Variants in WBP2NL observed in about 807,000 individuals in gnomAD.
The protein encoded by WBP2NL is WBP2 N-terminal like.
WBP2NL carries 27 observed loss-of-function variants against 23.3 expected under a neutral mutation model. That is an observed-to-expected ratio of 1.16 (90% CI 0.85 to 1.60). The LOEUF is 1.60. WBP2NL is among the 40% of genes most tolerant of loss of function. The pLI, the probability that WBP2NL is intolerant of heterozygous loss-of-function variation, is 0.00. For missense variants in WBP2NL, 370 were observed against 389.5 expected (o/e 0.95, Z 0.42); for synonymous variants, 151 against 145.9 (o/e 1.03, Z -0.25).
At position 42,049,439 on chromosome 22, in the gene WBP2NL, C is replaced by T. The variant is rs189715970; in HGVS notation, c.*274-8851C>T. 1.3e-4 allele frequency among the ~76,000 whole-genome samples: 20 copies of T among 152,142 alleles called. No homozygotes were observed. In the East Asian group the frequency reaches 3.9e-3, roughly 29 times the overall value. On this transcript the variant is annotated intron_variant and NMD_transcript_variant, in intron 8 of 8. Coordinates refer to the WBP2NL transcript ENST00000436265. ...GGCACGGTGGCTCATTCCTGTAATC[C>T]TAGCACTTTGGGAGGCCAAGGTGGG...
intron 8 of WBP2NL, among the ~76,000 whole-genome samples, chr22:42,049,997 AAAAG>A (rs1925776538): frequency 6.7e-6 from 1 of 150,032 alleles, no homozygotes; most frequent in Non-Finnish European, 1.5e-5. Context: ...AAAAAAAAAA[AAAAG>A]TGGCACATTT....
chr22:42,053,939 T>C (rs1463957077), intron 8 of WBP2NL, among the ~76,000 whole-genome samples: 1 of 152,076 alleles, frequency 6.6e-6, no homozygotes, highest in Non-Finnish European at 1.5e-5. Context: ...ATCCTGCGAG[T>C]TGTCTTTTAA....
chr22:42,010,648 C>G lies in WBP2NL; in HGVS notation c.63-8663C>G, dbSNP rs551317103. 2.4e-4 allele frequency among the ~76,000 whole-genome samples: 36 copies of G among 152,290 alleles called. No individual in the cohort carries two copies. In the South Asian group the frequency reaches 7.3e-3, roughly 31 times the overall value. On this transcript the variant is annotated intron_variant, in intron 1 of 5. Coordinates refer to ENST00000328823, the MANE Select transcript of WBP2NL (RefSeq NM_152613.3). ...CTGCCTCCAAGGTTCACGCCATTCT[C>G]CTGCCTCAGCCTCCTGAGTAGCTGG... is the stretch of plus-strand genomic sequence containing the variant.
chr22:42,034,819 A>C (rs1485656754), downstream of WBP2NL, among the ~76,000 whole-genome samples: 1 of 152,232 alleles, frequency 6.6e-6, no homozygotes, highest in Non-Finnish European at 1.5e-5. Context: ...TGCTTTTGAA[A>C]GAAGAGAAAT....
At chr22:42,015,916 TTGTC>T (rs1016518918) in intron 1 of WBP2NL, among the ~76,000 whole-genome samples, 3 of 152,278 alleles carry the variant, frequency 2.0e-5, no homozygotes, top group Admixed American at 2.0e-4. Context: ...GCTTTTCAAT[TTGTC>T]TGTTTTTTTG....
At chr22:42,037,592 T>C (rs1925233404), downstream of WBP2NL, among the ~76,000 whole-genome samples, 1 of 152,212 alleles carries the variant, frequency 6.6e-6, no homozygotes, top group African/African-American at 2.4e-5. Context: ...TGAGATGTCT[T>C]TCCACTTATT....
rs1053972449 is a variant in WBP2NL, at chr22:42,026,500, A to G, written c.515-266A>G. Among the ~76,000 whole-genome samples the G allele has an allele frequency of 2.6e-5, 4 of 151,926 alleles. No homozygotes were observed. In the South Asian group the frequency reaches 8.3e-4, roughly 31 times the overall value. On this transcript the variant is annotated intron_variant, in intron 5 of 5. Coordinates refer to ENST00000328823, the MANE Select transcript of WBP2NL (RefSeq NM_152613.3). ...TTACTTTTTTTCATAATCAAACTTTATTAAGTAAAACACATATCTGTGCAA... is the reference window on the plus strand; with the variant it reads ...TTACTTTTTTTCATAATCAAACTTTGTTAAGTAAAACACATATCTGTGCAA...
downstream of WBP2NL, chr22:42,031,916 G>T: frequency 6.6e-6 from 1 of 152,146 alleles, no homozygotes; most frequent in Non-Finnish European, 1.5e-5. Flanking sequence ...GGCTGGTTTC[G>T]AACTCCTGAC....
rs1450676284 is a variant in WBP2NL, at chr22:42,027,386, G to A, written c.*205G>A. Reference sequence around the variant, plus strand: ...AAGCAGAATCAACTCTTAAATAGCTGGCTAAAGGAAGAATACCATTGTGGG... The same window carrying A: ...AAGCAGAATCAACTCTTAAATAGCTAGCTAAAGGAAGAATACCATTGTGGG... On this transcript the variant is annotated 3_prime_UTR_variant, in exon 6 of 6. Transcript: ENST00000328823. 3.3e-6 allele frequency: 2 copies of A among 603,610 alleles called. No homozygotes were observed. The highest frequency in any genetic ancestry group is 5.3e-6 in the Non-Finnish European group (2 of 379,282). 37.4% of individuals were successfully genotyped at this position (603,610 alleles called of 1,614,324 possible). A position where few individuals can be genotyped will look rare whatever the true frequency, so the allele number is the denominator to read the frequency against.
At chr22:42,014,047 A>G (rs539941905) in intron 1 of WBP2NL, among the ~76,000 whole-genome samples, 1 of 151,984 alleles carries the variant, frequency 6.6e-6, no homozygotes, top group East Asian at 1.9e-4. Flanking sequence ...CTTTCAAAGT[A>G]CTGGGATTAC....
chr22:42,030,112 T>A (rs1187883552), downstream of WBP2NL: 3 of 152,216 alleles, frequency 2.0e-5, no homozygotes, highest in East Asian at 1.9e-4. Context: ...CTTTACTACT[T>A]CTTAGAGCCT....
intron 8 of WBP2NL, among the ~76,000 whole-genome samples, chr22:42,054,727 A>G (rs1381875640): frequency 6.6e-6 from 1 of 151,922 alleles, no homozygotes; most frequent in Non-Finnish European, 1.5e-5. Context: ...AAAAAAAAAA[A>G]AAAATCAATT....
chr22:42,010,859 A>G (rs764668420), intron 1 of WBP2NL, among the ~76,000 whole-genome samples: 1 of 152,174 alleles, frequency 6.6e-6, no homozygotes, highest in African/African-American at 2.4e-5. Flanking sequence ...GAATCTTTTC[A>G]TATGCTTTTT....
intron 1 of WBP2NL, among the ~76,000 whole-genome samples, chr22:42,013,973 G>C (rs9611710): frequency 1.3e-5 from 2 of 151,764 alleles, no homozygotes; most frequent in Admixed American, 6.6e-5. Flanking sequence ...GTAGAGATGG[G>C]GTCTCACCAT....
chr22:42,027,190 G>A lies in WBP2NL; in HGVS notation c.*9G>A, dbSNP rs560488361. 2 of 1,592,754 alleles carry A rather than the reference G, an allele frequency of 1.3e-6. 1 individual carries two copies. Among genetic ancestry groups the A allele is most frequent in the South Asian group, 2.2e-5 (2 of 89,382 alleles). ...CTCAGGTCCATTCTTAACCTTCTAA[G>A]ATGTAAACCTTGAAGACTCACCAAG... On this transcript the variant is annotated 3_prime_UTR_variant, in exon 6 of 6. Coordinates refer to ENST00000328823, the MANE Select transcript of WBP2NL (RefSeq NM_152613.3).
In WBP2NL at chr22:42,014,607, G is replaced by A. The variant is rs186214835; in HGVS notation, c.63-4704G>A. On this transcript the variant is annotated intron_variant, in intron 1 of 5. Transcript: ENST00000328823. ...TAGATATATTGGTATGTTTGATGGTGTCCCACAGATTTCTTAGACTTCGTT... is the reference window on the plus strand; with the variant it reads ...TAGATATATTGGTATGTTTGATGGTATCCCACAGATTTCTTAGACTTCGTT... Among the ~76,000 whole-genome samples the A allele has an allele frequency of 5.3e-5, 8 of 152,066 alleles. No homozygotes were observed. The East Asian group carries it at 1.4e-3, about 26-fold the overall frequency.
chr22:42,041,247 G>A (rs1043425523), intron 8 of WBP2NL, among the ~76,000 whole-genome samples: 1 of 152,114 alleles, frequency 6.6e-6, no homozygotes, highest in Non-Finnish European at 1.5e-5. Flanking sequence ...GGGAGGGGAG[G>A]CTGAGACAGG....
At chr22:42,018,587 C>A (rs1251193682) in intron 1 of WBP2NL, among the ~76,000 whole-genome samples, 1 of 152,094 alleles carries the variant, frequency 6.6e-6, no homozygotes, top group Non-Finnish European at 1.5e-5. Flanking sequence ...TCCAGGTTAA[C>A]AGTAAGGAGA....
chr22:42,049,700 CAAAACAAAAAAAAAAAAAAAA>C lies in WBP2NL; in HGVS notation c.*274-8585_*274-8565del, dbSNP rs1456179532. 2.5e-3 allele frequency among the ~76,000 whole-genome samples: 90 copies of C among 36,502 alleles called. 1 individual carries two copies. Among genetic ancestry groups the C allele is most frequent in the Admixed American group, 5.2e-3 (13 of 2,518 alleles). 23.9% of individuals were successfully genotyped at this position (36,502 alleles called of 152,430 possible). A position where few individuals can be genotyped will look rare whatever the true frequency, so the allele number is the denominator to read the frequency against. ...GCGAGACTCCGTCTCCAAAACAAAA[CAAAACAAAAAAAAAAAAAAAA>C]AAAAAAAAAATAGAACATTTTGGCT... On this transcript the variant is annotated intron_variant and NMD_transcript_variant, in intron 8 of 8. Transcript: ENST00000436265.
Sources: allele counts gnomAD v4.1 joint callset (sites outside exome capture counted in the v4.1 genomes callset), GRCh38; gene constraint gnomAD v4.1.1; transcripts MANE v1.5; gene names NCBI Gene and HGNC (gene_info 2026-07-23, HGNC 2026-07-21).